The following PTPRD variants were observed in gnomAD, a reference collection of about 807,000 sequenced individuals.
PTPRD encodes the protein receptor-type tyrosine-protein phosphatase delta.
A neutral mutation model predicts 214.5 loss-of-function variants in PTPRD; 34 were observed. The observed-to-expected ratio is 0.16, with a 90% CI of 0.12 to 0.21. The LOEUF (loss-of-function observed/expected upper bound fraction) is 0.21. Among genes scored for constraint, PTPRD ranks in the 10% least tolerant of loss-of-function variants. The probability of loss-of-function intolerance (pLI) is 1.00; values close to 1 mark genes in which losing one functional copy is unlikely to be tolerated. For missense variants in PTPRD, 2,545 were observed against 2,398.7 expected (o/e 1.06, Z -1.27); for synonymous variants, 1,128 against 845.7 (o/e 1.33, Z -5.79).
chr9:9,586,215 G>C (rs972843555), intron 7 of PTPRD, among the ~76,000 whole-genome samples: 2 of 151,852 alleles, frequency 1.3e-5, no homozygotes, highest in Admixed American at 6.6e-5. Context: ...CAATTACAGG[G>C]CCATCCCTCA....
At chr9:9,675,216 T>G (rs1416092765) in intron 7 of PTPRD, among the ~76,000 whole-genome samples, 1 of 151,940 alleles carries the variant, frequency 6.6e-6, no homozygotes, top group Non-Finnish European at 1.5e-5. Context: ...GAGAAACCAT[T>G]TTAAAAACAT....
intron 3 of PTPRD, among the ~76,000 whole-genome samples, chr9:10,113,931 C>A (rs930918766): frequency 6.6e-6 from 1 of 152,106 alleles, no homozygotes. Flanking sequence ...ATAACCTTGG[C>A]CTTTTTAATC....
chr9:10,248,216 G>A (rs996327088), intron 3 of PTPRD, among the ~76,000 whole-genome samples: 1 of 152,060 alleles, frequency 6.6e-6, no homozygotes, highest in Admixed American at 6.6e-5. Flanking sequence ...GTGGAGGCAA[G>A]CAGTAAGGGT....
chr9:9,824,370 C>T (rs562146536), intron 5 of PTPRD, among the ~76,000 whole-genome samples: 4 of 151,948 alleles, frequency 2.6e-5, no homozygotes, highest in Admixed American at 6.6e-5. Context: ...TGACATAGCA[C>T]AGTATTTTTC....
chr9:10,525,004 T>C (rs1270469821), intron 2 of PTPRD, among the ~76,000 whole-genome samples: 1 of 151,868 alleles, frequency 6.6e-6, no homozygotes, highest in Non-Finnish European at 1.5e-5. Context: ...ACCTATATCA[T>C]ATGTTTCTTC....
intron 5 of PTPRD, among the ~76,000 whole-genome samples, chr9:9,904,819 A>G (rs974639671): frequency 1.2e-4 from 18 of 152,076 alleles, no homozygotes; most frequent in Admixed American, 1.1e-3. Context: ...AGTTTTGTTC[A>G]ACCAAGATCA....
At chr9:8,753,684 T>G (rs1277597942) in intron 11 of PTPRD, among the ~76,000 whole-genome samples, 1 of 152,198 alleles carries the variant, frequency 6.6e-6, no homozygotes, top group Non-Finnish European at 1.5e-5. Flanking sequence ...TTCAGAATAA[T>G]TAGGTATTTC....
At chr9:9,354,725 T>C (rs1230899270) in intron 9 of PTPRD, among the ~76,000 whole-genome samples, 1 of 151,828 alleles carries the variant, frequency 6.6e-6, no homozygotes, top group Non-Finnish European at 1.5e-5. Flanking sequence ...GGATTTGAAG[T>C]ATCAGCAAGG....
intron 11 of PTPRD, among the ~76,000 whole-genome samples, chr9:8,866,892 A>G (rs1047250893): frequency 2.6e-5 from 4 of 152,202 alleles, no homozygotes; most frequent in African/African-American, 9.6e-5. Context: ...ATAAAAGATA[A>G]TAGAAAGCAC....
At chr9:9,540,692 T>A (rs1361305273) in intron 8 of PTPRD, among the ~76,000 whole-genome samples, 1 of 151,870 alleles carries the variant, frequency 6.6e-6, no homozygotes. Flanking sequence ...GTTATATTAC[T>A]GCATTTGTCG....
chr9:8,357,046 G>A (rs559595315), intron 39 of PTPRD, among the ~76,000 whole-genome samples: 13 of 152,160 alleles, frequency 8.5e-5, no homozygotes, highest in East Asian at 5.8e-4. Context: ...TTCTGCTGAC[G>A]GATTAACTCA....
chr9:8,818,657 A>G (rs2096974178), intron 11 of PTPRD, among the ~76,000 whole-genome samples: 2 of 152,254 alleles, frequency 1.3e-5, no homozygotes, highest in Admixed American at 6.5e-5. Flanking sequence ...TTAGTATTAT[A>G]TTCATTTGCC....
chr9:9,355,697 C>T (rs2053497318), intron 9 of PTPRD, among the ~76,000 whole-genome samples: 1 of 151,336 alleles, frequency 6.6e-6, no homozygotes, highest in Non-Finnish European at 1.5e-5. Flanking sequence ...AATTGGAAGT[C>T]ACAGGTATAC....
intron 14 of PTPRD, among the ~76,000 whole-genome samples, chr9:8,568,936 A>G (rs1050501072): frequency 1.3e-5 from 2 of 152,146 alleles, no homozygotes; most frequent in African/African-American, 4.8e-5. Context: ...CTTCATATGC[A>G]GCAATACAAA....
intron 11 of PTPRD, among the ~76,000 whole-genome samples, chr9:9,007,449 G>C (rs2099481623): frequency 7.1e-6 from 1 of 140,810 alleles, no homozygotes; most frequent in African/African-American, 2.5e-5. Flanking sequence ...TTCAATACAA[G>C]TCCCTGAAGA....
rs574339114 is a variant in PTPRD at position 9,616,630 on chromosome 9, C to T, written c.-286-41849G>A. Among the ~76,000 whole-genome samples, 44 of 152,122 alleles carry T rather than the reference C, an allele frequency of 2.9e-4. 1 individual carries two copies. In the East Asian group the frequency reaches 7.1e-3, roughly 25 times the overall value. ...AAGAGTTTTAAGAGACCCCAAAACT[C>T]GTTGGGGCTAAAACACGGCTATATG... On this transcript the variant is annotated intron_variant, in intron 7 of 45. Coordinates refer to ENST00000381196, the MANE Select transcript of PTPRD (RefSeq NM_002839.4).
intron 3 of PTPRD, among the ~76,000 whole-genome samples, chr9:10,061,053 G>T (rs2097770640): frequency 6.6e-6 from 1 of 150,616 alleles, no homozygotes; most frequent in Admixed American, 6.6e-5. Context: ...CAGAACATGA[G>T]AATACAAAAG....
At chr9:9,080,531 T>C (rs2154420771) in intron 10 of PTPRD, among the ~76,000 whole-genome samples, 1 of 152,114 alleles carries the variant, frequency 6.6e-6, no homozygotes, top group Non-Finnish European at 1.5e-5. Flanking sequence ...TAAAATAATA[T>C]ACAAATAGGG....
intron 32 of PTPRD, among the ~76,000 whole-genome samples, chr9:8,463,824 G>C (rs1333500424): frequency 6.6e-6 from 1 of 151,918 alleles, no homozygotes; most frequent in East Asian, 1.9e-4. Context: ...TCTACCCTTG[G>C]AACATTGTTA....
Sources: allele counts gnomAD v4.1 joint callset (sites outside exome capture counted in the v4.1 genomes callset), GRCh38; gene constraint gnomAD v4.1.1; transcripts MANE v1.5; gene names NCBI Gene and HGNC (gene_info 2026-07-23, HGNC 2026-07-21).